Variants in PTPRD observed in about 807,000 individuals in gnomAD.
PTPRD encodes the protein receptor-type tyrosine-protein phosphatase delta.
A neutral mutation model predicts 214.5 loss-of-function variants in PTPRD; 34 were observed. That is an observed-to-expected ratio of 0.16 (90% CI 0.12 to 0.21). PTPRD has a LOEUF of 0.21. Ranked by LOEUF, PTPRD falls within the 10% of genes least tolerant of loss-of-function variation. The pLI, the probability that PTPRD is intolerant of heterozygous loss-of-function variation, is 1.00. For synonymous variants in PTPRD, 1,128 were observed against 845.7 expected (o/e 1.33, Z -5.79); for missense variants, 2,545 against 2,398.7 (o/e 1.06, Z -1.27).
At chr9:9,352,191 C>T (rs918573247) in intron 9 of PTPRD, among the ~76,000 whole-genome samples, 10 of 151,682 alleles carry the variant, frequency 6.6e-5, no homozygotes, top group African/African-American at 2.2e-4. Context: ...AGCACCTTCA[C>T]TTTTTAACAA....
chr9:9,120,488 G>T (rs2099816572), intron 10 of PTPRD, among the ~76,000 whole-genome samples: 1 of 152,156 alleles, frequency 6.6e-6, no homozygotes, highest in African/African-American at 2.4e-5. Context: ...CTATGGAAAA[G>T]TCTGTCAAAT....
At chr9:9,949,156 T>C (rs1186269902) in intron 4 of PTPRD, among the ~76,000 whole-genome samples, 2 of 152,240 alleles carry the variant, frequency 1.3e-5, no homozygotes, top group East Asian at 3.9e-4. Context: ...ACCTCCTCCA[T>C]GATCTGTAGA....
intron 10 of PTPRD, among the ~76,000 whole-genome samples, chr9:9,113,380 C>T (rs2099808853): frequency 6.6e-6 from 1 of 152,004 alleles, no homozygotes; most frequent in Non-Finnish European, 1.5e-5. Context: ...ACACAAGGTA[C>T]TAACAAATAA....
rs80016740 is a variant in PTPRD, at chr9:8,666,283, A to G, written c.65-29439T>C. Among the ~76,000 whole-genome samples the G allele has an allele frequency of 5.4e-3, 829 of 152,334 alleles. 3 individuals are homozygous for G. Among genetic ancestry groups the G allele is most frequent in the African/African-American group, 0.019 (804 of 41,584 alleles). Reference sequence around the variant, plus strand: ...AAATGCTGATTATGATTCATTTCAAATATTTTAAGTGTTAAGTCAACATTC... The same window carrying G: ...AAATGCTGATTATGATTCATTTCAAGTATTTTAAGTGTTAAGTCAACATTC... On this transcript the variant is annotated intron_variant, in intron 12 of 45. Coordinates refer to ENST00000381196, the MANE Select transcript of PTPRD (RefSeq NM_002839.4).
chr9:10,375,830 G>T (rs1166580993), intron 2 of PTPRD, among the ~76,000 whole-genome samples: 1 of 151,954 alleles, frequency 6.6e-6, no homozygotes, highest in Non-Finnish European at 1.5e-5. Context: ...TGTTCACAAT[G>T]TGGAGCAATT....
At chr9:8,339,108 T>C (rs1250799791) in intron 42 of PTPRD, 61 bp from the exon 43 acceptor site, 2 of 1,421,842 alleles carry the variant, frequency 1.4e-6, no homozygotes, top group East Asian at 2.5e-5. Context: ...CTGTATATTA[T>C]CTATCTATCT....
intron 12 of PTPRD, among the ~76,000 whole-genome samples, chr9:8,658,644 T>C (rs1420812835): frequency 6.7e-6 from 1 of 148,836 alleles, no homozygotes; most frequent in Non-Finnish European, 1.5e-5. Flanking sequence ...TGCAATTTTG[T>C]GCAGCATCTA....
chr9:9,366,338 C>T (rs1037558729), intron 9 of PTPRD, among the ~76,000 whole-genome samples: 8 of 151,430 alleles, frequency 5.3e-5, no homozygotes, highest in African/African-American at 1.5e-4. Context: ...ATTTTGAAAG[C>T]TTTATAAATA....
chr9:9,668,696 T>C (rs1167263350), intron 7 of PTPRD, among the ~76,000 whole-genome samples: 1 of 152,212 alleles, frequency 6.6e-6, no homozygotes. Context: ...ACCTATTTAT[T>C]TTTATTATTA....
At chr9:9,989,217 G>A (rs986775549) in intron 4 of PTPRD, among the ~76,000 whole-genome samples, 10 of 152,020 alleles carry the variant, frequency 6.6e-5, no homozygotes, top group African/African-American at 2.2e-4. Context: ...GGGTAGAAGT[G>A]GATGTGGGTC....
intron 11 of PTPRD, among the ~76,000 whole-genome samples, chr9:8,735,995 C>T (rs1169920087): frequency 6.6e-6 from 1 of 151,718 alleles, no homozygotes; most frequent in Non-Finnish European, 1.5e-5. Flanking sequence ...GTCAAATGGC[C>T]TTTATTCAGC....
At chr9:8,632,689 G>A (rs1313964486) in intron 14 of PTPRD, among the ~76,000 whole-genome samples, 2 of 151,958 alleles carry the variant, frequency 1.3e-5, no homozygotes, top group Non-Finnish European at 2.9e-5. Context: ...ACACTGTACT[G>A]GAGATCTGGC....
At chr9:10,561,802 C>T (rs2131549968) in intron 2 of PTPRD, among the ~76,000 whole-genome samples, 1 of 152,226 alleles carries the variant, frequency 6.6e-6, no homozygotes. Flanking sequence ...AGCACTTCAG[C>T]TGATTCTCTG....
At chr9:9,638,966 C>G (rs1369342017) in intron 7 of PTPRD, among the ~76,000 whole-genome samples, 1 of 152,178 alleles carries the variant, frequency 6.6e-6, no homozygotes, top group African/African-American at 2.4e-5. Flanking sequence ...CATAATGGCA[C>G]AAACCCATGC....
At chr9:9,142,897 G>A (rs1206460833) in intron 10 of PTPRD, among the ~76,000 whole-genome samples, 1 of 151,956 alleles carries the variant, frequency 6.6e-6, no homozygotes, top group African/African-American at 2.4e-5. Flanking sequence ...TGGTCTTCTG[G>A]CTTCCTGTTG....
chr9:9,902,070 G>C lies in PTPRD; in HGVS notation c.-368+36437C>G, dbSNP rs376318190. On this transcript the variant is annotated intron_variant, in intron 5 of 45. Coordinates refer to ENST00000381196, the MANE Select transcript of PTPRD (RefSeq NM_002839.4). Reference sequence around the variant, plus strand: ...CTAATAGGTCTGGTAAATACCTATTGGCTGCTTCTACTCTTACCAACTTTT... The same window carrying C: ...CTAATAGGTCTGGTAAATACCTATTCGCTGCTTCTACTCTTACCAACTTTT... 5.3e-5 allele frequency among the ~76,000 whole-genome samples: 8 copies of C among 152,098 alleles called. No individual in the cohort carries two copies. The East Asian group carries it at 1.5e-3, about 29-fold the overall frequency.
chr9:10,351,170 G>T (rs1204947060), intron 2 of PTPRD, among the ~76,000 whole-genome samples: 1 of 152,074 alleles, frequency 6.6e-6, no homozygotes, highest in Non-Finnish European at 1.5e-5. Context: ...TGTGACAAAT[G>T]TGTTGAAGAA....
chr9:9,318,243 A>C (rs1964458550), intron 9 of PTPRD, among the ~76,000 whole-genome samples: 1 of 151,080 alleles, frequency 6.6e-6, no homozygotes, highest in Non-Finnish European at 1.5e-5. Flanking sequence ...AAAAAACACC[A>C]AAAAGTATTT....
intron 36 of PTPRD, among the ~76,000 whole-genome samples, chr9:8,403,814 C>T (rs1038890217): frequency 1.3e-5 from 2 of 152,060 alleles, no homozygotes; most frequent in African/African-American, 4.8e-5. Flanking sequence ...TTAGACAGTC[C>T]CCAGTGGATA....
Sources: gnomAD v4.1 joint callset for allele counts (sites outside exome capture counted in the v4.1 genomes callset) on GRCh38, gnomAD v4.1.1 for gene constraint, MANE v1.5 for transcripts, NCBI Gene and HGNC (gene_info 2026-07-23, HGNC 2026-07-21) for gene names.